Variants in USP33 observed in about 807,000 individuals in gnomAD.
USP33 encodes ubiquitin specific peptidase 33, also known as ubiquitin carboxyl-terminal hydrolase 33.
Under a neutral mutation model 124.2 loss-of-function variants are expected in USP33, and 46 were observed. The ratio of observed to expected loss-of-function variants is 0.37; its 90% confidence interval spans 0.29 to 0.47. The LOEUF (loss-of-function observed/expected upper bound fraction) is 0.47, where lower values mean the gene tolerates loss of function less well. Ranked by LOEUF, USP33 falls within the 20% of genes least tolerant of loss-of-function variation. The probability of loss-of-function intolerance (pLI) is 0.99; values close to 1 mark genes in which losing one functional copy is unlikely to be tolerated. For missense variants in USP33, 851 were observed against 1,070.6 expected (o/e 0.79, Z 2.86); for synonymous variants, 350 against 352.3 (o/e 0.99, Z 0.07).
chr1:77,731,309 C>T (rs1310172158), intron 7 of USP33, among the ~76,000 whole-genome samples: 1 of 152,184 alleles, frequency 6.6e-6, no homozygotes, highest in Admixed American at 6.5e-5. Context: ...GCACTTCCTC[C>T]AGCCTTCTAC....
chr1:77,718,777 A>G (rs940277069), intron 15 of USP33, 136 bp from the exon 16 acceptor site: 2 of 662,144 alleles, frequency 3.0e-6, no homozygotes, highest in African/African-American at 3.7e-5. Context: ...TAAAAATACA[A>G]AATTAGCCAG....
At chr1:77,714,899 G>T in intron 18 of USP33, 116 bp from the exon 19 acceptor site, 1 of 1,068,850 alleles carries the variant, frequency 9.4e-7, no homozygotes, top group Non-Finnish European at 1.4e-6. Flanking sequence ...ATTAGGTCTT[G>T]GGAATTTCAA....
chr1:77,728,525 T>G lies in USP33; in HGVS notation c.905A>C (p.Glu302Ala), dbSNP rs372026208. The part of the protein sequence containing the change: ...SCSNSDRAEN[E>A]NGSRCFSEDN... ...TTCAGAAAAGCATCTAGAGCCATTT[T>G]CATTTTCTGCTCTATCACTGTTGCT... Residue 302 changes from glutamate to alanine, a missense_variant, in exon 10 of 24, where the codon GAA (glutamate) becomes GCA (alanine). Glu to Ala is a moderately radical substitution (Grantham distance 107, BLOSUM62 -1). This residue lies in a region of USP33 where 207 missense variants were observed against 200.9 expected (regional missense o/e 1.03). Transcript: ENST00000370794. 1.9e-6 allele frequency: 3 copies of G among 1,614,066 alleles called. No homozygotes were observed. The highest frequency in any genetic ancestry group is 2.5e-6 in the Non-Finnish European group (3 of 1,180,026).
chr1:77,724,613 C>T (rs1188277105), intron 11 of USP33, among the ~76,000 whole-genome samples: 2 of 152,142 alleles, frequency 1.3e-5, no homozygotes, highest in Non-Finnish European at 2.9e-5. Context: ...CCAGTAACCC[C>T]ACTTCTAGGT....
At chr1:77,758,470 A>C (rs1173798984) in intron 1 of USP33, among the ~76,000 whole-genome samples, 2 of 151,982 alleles carry the variant, frequency 1.3e-5, no homozygotes, top group African/African-American at 4.8e-5. Flanking sequence ...CACCGTGCCC[A>C]GCCCTGACCT....
chr1:77,724,530 T>C (rs188538881), intron 11 of USP33, among the ~76,000 whole-genome samples: 21 of 152,308 alleles, frequency 1.4e-4, no homozygotes, highest in Non-Finnish European at 2.1e-4. Flanking sequence ...CTGGAAGGAA[T>C]ACTAAATGGT....
chr1:77,705,605 A>C (rs278840), intron 21 of USP33, among the ~76,000 whole-genome samples: 63,875 of 151,670 alleles, frequency 0.42, 15,709 homozygotes, highest in African/African-American at 0.68. Flanking sequence ...GCAATCCCCT[A>C]TTCTCAGCCT....
rs1323577473 is a variant in USP33, at chr1:77,711,534, CA to C, written c.2406+212del. 1.3e-5 allele frequency: 6 copies of C among 452,668 alleles called. No homozygotes were observed. The African/African-American group carries it at 1.7e-4, about 13-fold the overall frequency. The allele number at this position is 452,668 out of a possible 1,614,324, so 28.0% of individuals were successfully genotyped here. ...AGAGCAAGATTTTGTCTCATACACA[CA>C]CACACACACACACACACACACACAC... On this transcript the variant is annotated intron_variant, in intron 21 of 23. Coordinates refer to ENST00000370794, the MANE Select transcript of USP33 (RefSeq NM_201624.3).
intron 1 of USP33, among the ~76,000 whole-genome samples, chr1:77,752,454 C>T (rs1336384465): frequency 6.6e-6 from 1 of 152,086 alleles, no homozygotes; most frequent in Non-Finnish European, 1.5e-5. Flanking sequence ...ATAATAATTA[C>T]ACATCAGGAC....
Position 77,728,591 on chromosome 1 carries a change from T to C in USP33, c.839A>G (p.Lys280Arg). 6.2e-7 allele frequency: 1 copy of C among 1,614,202 alleles called. No individual in the cohort carries two copies. Among genetic ancestry groups the C allele is most frequent in the Non-Finnish European group, 8.5e-7 (1 of 1,180,028 alleles). ...CTGAAAATCTACATCCGACTGGCTC[T>C]TGTCTTCTTCCATTGTCTCCTCAGT... ...ITTEETMEED[K>R]SQSDVDFQSC... Residue 280 changes from lysine to arginine, a missense_variant, in exon 10 of 24, where the codon AAG becomes AGG. By Grantham distance (26) the Lys-to-Arg change is conservative. Around this residue, in one of 4 missense-constraint regions of USP33, gnomAD observed 207 missense variants for 200.9 expected, o/e 1.03. Transcript: ENST00000370794.
intron 4 of USP33, among the ~76,000 whole-genome samples, chr1:77,740,408 C>G (rs929617608): frequency 6.6e-6 from 1 of 150,884 alleles, no homozygotes; most frequent in East Asian, 1.9e-4. Flanking sequence ...GGCTGGAGTG[C>G]AATGGCACGA....
intron 1 of USP33, among the ~76,000 whole-genome samples, chr1:77,744,324 A>C (rs1012478989): frequency 2.6e-5 from 4 of 152,158 alleles, no homozygotes; most frequent in African/African-American, 9.7e-5. Context: ...GAAGAGAAAA[A>C]GAAGAAACCA....
At chr1:77,752,838 G>A (rs936964532) in intron 1 of USP33, among the ~76,000 whole-genome samples, 2 of 152,098 alleles carry the variant, frequency 1.3e-5, no homozygotes, top group South Asian at 2.1e-4. Flanking sequence ...AGCACTTTGC[G>A]AGGCCGAGGC....
chr1:77,740,204 A>G (rs1678960021), intron 4 of USP33, among the ~76,000 whole-genome samples: 4 of 152,236 alleles, frequency 2.6e-5, no homozygotes, highest in Admixed American at 2.6e-4. Context: ...AGGTGAGTCC[A>G]GTTAGGACTA....
chr1:77,721,759 CTTTATTA>C (rs1234086474), intron 14 of USP33, 65 bp downstream of exon 14: 24 of 1,380,548 alleles, frequency 1.7e-5, no homozygotes, highest in Non-Finnish European at 2.1e-5. Context: ...TATGAATACA[CTTTATTA>C]TTTAGTCCCA....
chr1:77,734,875 G>C (rs960046278), intron 6 of USP33, among the ~76,000 whole-genome samples: 1 of 152,138 alleles, frequency 6.6e-6, no homozygotes, highest in African/African-American at 2.4e-5. Context: ...TGTAATCCCA[G>C]CACTTTGGGA....
chr1:77,744,755 G>A (rs892958462), intron 1 of USP33, among the ~76,000 whole-genome samples: 73 of 152,148 alleles, frequency 4.8e-4, no homozygotes, highest in African/African-American at 1.7e-3. Flanking sequence ...TGAGGTGAGA[G>A]GATCACCTGA....
At chr1:77,729,800 A>C in intron 9 of USP33, 60 bp downstream of exon 9, 1 of 1,553,502 alleles carries the variant, frequency 6.4e-7, no homozygotes. Context: ...CAAAAAAAAC[A>C]TAATGGCATT....
chr1:77,715,075 C>T (rs1675708130), intron 18 of USP33, among the ~76,000 whole-genome samples: 1 of 152,110 alleles, frequency 6.6e-6, no homozygotes, highest in Admixed American at 6.5e-5. Flanking sequence ...CAGAAGCTAG[C>T]ATCTTCTTTT....
Sources: allele counts gnomAD v4.1 joint callset (sites outside exome capture counted in the v4.1 genomes callset), GRCh38; gene constraint gnomAD v4.1.1; regional missense constraint gnomAD v4.1.1; transcripts MANE v1.5; gene names NCBI Gene and HGNC (gene_info 2026-07-23, HGNC 2026-07-21).